PHC1: variants seen among roughly 807,000 people sequenced by gnomAD.
PHC1 encodes polyhomeotic-like protein 1.
Under a neutral mutation model 104.3 loss-of-function variants are expected in PHC1, and 12 were observed. That is an observed-to-expected ratio of 0.12 (90% confidence interval 0.07 to 0.19). The LOEUF (loss-of-function observed/expected upper bound fraction) is 0.19. Among genes scored for constraint, PHC1 ranks in the 10% least tolerant of loss-of-function variants. PHC1 has a pLI of 1.00. For synonymous variants in PHC1, 302 were observed against 455.8 expected (o/e 0.66, Z 4.30); for missense variants, 671 against 1,200.0 (o/e 0.56, Z 6.51).
chr12:8,935,497 GCGTCTATAGTCC>G (rs1297518431), intron 11 of PHC1, among the ~76,000 whole-genome samples: 1 of 152,018 alleles, frequency 6.6e-6, no homozygotes, highest in East Asian at 2.0e-4. Flanking sequence ...GTGGCAGCAT[GCGTCTATAGTCC>G]CAGCTACTCG....
rs2137154339 is a variant in PHC1, at chr12:8,941,159, G to A, written c.*1700G>A. 2 of 148,466 alleles carry A rather than the reference G, an allele frequency of 1.3e-5. No homozygotes were observed. The highest frequency in any genetic ancestry group is 4.3e-4 in the South Asian group (2 of 4,624). The allele number at this position is 148,466 out of a possible 1,614,324, so 9.2% of individuals were successfully genotyped here. On this transcript the variant is annotated 3_prime_UTR_variant, in exon 15 of 15. Coordinates refer to ENST00000544916, the MANE Select transcript of PHC1 (RefSeq NM_004426.3). ...TCCTTAGCCCAATCCCAGCTATACA[G>A]TCACCCCAATTTCCACAAATGATGT...
At chr12:8,930,185 T>G (rs553777169) in intron 6 of PHC1, among the ~76,000 whole-genome samples, 20 of 152,190 alleles carry the variant, frequency 1.3e-4, no homozygotes, top group Non-Finnish European at 2.1e-4. Flanking sequence ...ATTGAAGAGA[T>G]ATTTTGAAGG....
intron 14 of PHC1, among the ~76,000 whole-genome samples, chr12:8,938,273 C>T (rs1354791277): frequency 1.3e-5 from 2 of 152,186 alleles, no homozygotes; most frequent in African/African-American, 4.8e-5. Flanking sequence ...GTTTGATTCT[C>T]ATCTTATGAT....
At chr12:8,936,085 T>C (rs1945829971) in intron 11 of PHC1, among the ~76,000 whole-genome samples, 1 of 152,122 alleles carries the variant, frequency 6.6e-6, no homozygotes, top group Non-Finnish European at 1.5e-5. Flanking sequence ...CTTTACTCTA[T>C]AGATGTATTT....
intron 6 of PHC1, among the ~76,000 whole-genome samples, chr12:8,924,610 T>A (rs1945464506): frequency 6.6e-6 from 1 of 152,160 alleles, no homozygotes; most frequent in Non-Finnish European, 1.5e-5. Flanking sequence ...TGGATTTGAT[T>A]TGGAGTGAGA....
chr12:8,920,251 T>TA (rs1945323574), intron 3 of PHC1, among the ~76,000 whole-genome samples: 1 of 152,274 alleles, frequency 6.6e-6, no homozygotes, highest in African/African-American at 2.4e-5. Context: ...TGTGAAGTGA[T>TA]ATTTTATATT....
intron 5 of PHC1, 31 bp downstream of exon 5, chr12:8,921,781 A>G: frequency 6.4e-7 from 1 of 1,550,448 alleles, no homozygotes; most frequent in Non-Finnish European, 8.7e-7. Context: ...CCATTGCCCC[A>G]GAGGCATAAT....
Position 8,916,763 on chromosome 12 carries a change from T to C in PHC1, c.-48-867T>C, listed in dbSNP as rs747500912. 2.0e-5 allele frequency among the ~76,000 whole-genome samples: 3 copies of C among 152,262 alleles called. No individual in the cohort carries two copies. In the East Asian group the frequency reaches 5.8e-4, roughly 29 times the overall value. On this transcript the variant is annotated intron_variant, in intron 1 of 14. Coordinates refer to ENST00000544916, the MANE Select transcript of PHC1 (RefSeq NM_004426.3). ...ACTCCGGAGTCATTTCTTAAAATGA[T>C]ATATTACATTCAGTATGAAGCCTCC...
chr12:8,917,906 G>C, intron 2 of PHC1, 115 bp downstream of exon 2: 1 of 628,640 alleles, frequency 1.6e-6, no homozygotes, highest in Non-Finnish European at 2.8e-6. Context: ...AGTTGGGTTA[G>C]ATGATGACTA....
intron 6 of PHC1, 140 bp from the exon 7 acceptor site, chr12:8,930,295 T>TA: frequency 7.6e-7 from 1 of 1,315,498 alleles, no homozygotes. Flanking sequence ...AGGAAGGCCT[T>TA]AAAGTATATG....
chr12:8,933,704 A>G (rs2137118741), intron 8 of PHC1, 161 bp from the exon 9 acceptor site: 4 of 653,610 alleles, frequency 6.1e-6, no homozygotes, highest in Non-Finnish European at 1.0e-5. Flanking sequence ...CCTGATGGAA[A>G]GTTACTAGGA....
In PHC1 at chr12:8,937,968, C is replaced by T. The variant is rs201887303; in HGVS notation, c.2768C>T (p.Pro923Leu). The T allele has an allele frequency of 4.4e-6, 7 of 1,603,842 alleles. No homozygotes were observed. Among genetic ancestry groups the T allele is most frequent in the East Asian group, 2.2e-5 (1 of 44,824 alleles). Residue 923 changes from proline (P) to leucine (L), a missense_variant, in exon 14 of 15, where the codon CCG becomes CTG. By Grantham distance (98) the Pro-to-Leu change is moderately conservative. This residue lies in a region of PHC1 where 192 missense variants were observed against 280.5 expected (regional missense o/e 0.68). Transcript: ENST00000544916. Reference protein sequence around the residue: ...LGNPNTAPPTPELHGINPVFL... With the variant: ...LGNPNTAPPTLELHGINPVFL... ...AATCCCAATACAGCTCCACCTACAC[C>T]GGAATTACATGGCATCAACCCTGTG... is the stretch of plus-strand genomic sequence containing the variant.
In PHC1 at chr12:8,919,249, C is replaced by T. The variant is rs1003503659; in HGVS notation, c.115-507C>T. Among the ~76,000 whole-genome samples, 20 of 152,040 alleles carry T rather than the reference C, an allele frequency of 1.3e-4. No homozygotes were observed. The highest frequency in any genetic ancestry group is 5.9e-4 in the Admixed American group (9 of 15,272). On this transcript the variant is annotated intron_variant, in intron 2 of 14. Transcript: ENST00000544916. This position sits in a 1 kb window ranked among gnomAD's most constrained non-coding sequence, Gnocchi z 4.9. ...TAATTTTTTGTATTTTTAGTAGAGG[C>T]GGAGTTTCACCATGTTGGCCAGGCT... is the stretch of plus-strand genomic sequence containing the variant.
intron 11 of PHC1, among the ~76,000 whole-genome samples, chr12:8,936,468 ATCTT>A (rs1945841581): frequency 6.6e-6 from 1 of 152,202 alleles, no homozygotes; most frequent in Non-Finnish European, 1.5e-5. Context: ...TTTATAATCT[ATCTT>A]AAGGACTCTT....
At chr12:8,923,073 G>A (rs964902668) in intron 6 of PHC1, among the ~76,000 whole-genome samples, 3 of 152,168 alleles carry the variant, frequency 2.0e-5, no homozygotes, top group African/African-American at 7.2e-5. Context: ...TCCTCTGTGG[G>A]TTTGTTTTAT....
At chr12:8,935,084 G>T in intron 10 of PHC1, 40 bp from the exon 11 acceptor site, 1 of 1,004,626 alleles carries the variant, frequency 1.0e-6, no homozygotes, top group East Asian at 2.6e-5. Context: ...GAAGCAGAAG[G>T]GGATCAGGCT....
rs898450259 is a variant in PHC1 at position 8,930,952 on chromosome 12, T to C, written c.1105+25T>C. On this transcript the variant is annotated intron_variant, in intron 7 of 14. Coordinates refer to ENST00000544916, the MANE Select transcript of PHC1 (RefSeq NM_004426.3). Reference sequence around the variant, plus strand: ...GGTAAATTGTCATTCCTCATGTCATTATTCTCTCAGAATTCATGTGAAATT... The same window carrying C: ...GGTAAATTGTCATTCCTCATGTCATCATTCTCTCAGAATTCATGTGAAATT... 9 of 1,578,978 alleles carry C rather than the reference T, an allele frequency of 5.7e-6. No homozygotes were observed. The African/African-American group carries it at 1.1e-4, about 19-fold the overall frequency.
At chr12:8,920,869 C>G (rs1945342399) in intron 3 of PHC1, 116 bp from the exon 4 acceptor site, 1 of 669,550 alleles carries the variant, frequency 1.5e-6, no homozygotes, top group South Asian at 1.9e-5. Context: ...AAAGTGGAAT[C>G]TCCCTGTTTA....
intron 3 of PHC1, 170 bp downstream of exon 3, chr12:8,920,036 A>G (rs1945316611): frequency 9.6e-6 from 10 of 1,036,866 alleles, no homozygotes; most frequent in South Asian, 6.3e-5. Context: ...CTGGGGTTGC[A>G]GTAAGAACCG....
Sources: gnomAD v4.1 joint callset for allele counts (sites outside exome capture counted in the v4.1 genomes callset) on GRCh38, gnomAD v4.1.1 for gene constraint, gnomAD v4.1.1 regional missense constraint, Gnocchi (gnomAD v3.1) non-coding constraint, MANE v1.5 for transcripts, NCBI Gene and HGNC (gene_info 2026-07-23, HGNC 2026-07-21) for gene names.